BANF2: variants seen among roughly 807,000 people sequenced by gnomAD.
BANF2 encodes the protein BANF family member 2.
In BANF2, 4 loss-of-function variants were observed where a neutral mutation model predicts 8.0. The ratio of observed to expected loss-of-function variants is 0.50; its 90% CI spans 0.25 to 1.14. BANF2 has a LOEUF of 1.14. Among genes scored for constraint, BANF2 ranks in the 50% most tolerant of loss-of-function variants. BANF2 has a pLI of 0.16. For synonymous variants in BANF2, 50 were observed against 40.6 expected (o/e 1.23, Z -0.88); for missense variants, 96 against 107.5 (o/e 0.89, Z 0.47).
chr20:17,706,822 A>C (rs1007927647), intron 1 of BANF2, among the ~76,000 whole-genome samples: 2 of 152,206 alleles, frequency 1.3e-5, no homozygotes, highest in Non-Finnish European at 2.9e-5. Context: ...TTCTCTGCAA[A>C]GAAGGAGGGA....
chr20:17,693,757 G>T, intron 1 of BANF2: 1 of 1,545,512 alleles, frequency 6.5e-7, no homozygotes, highest in Non-Finnish European at 8.8e-7. Flanking sequence ...AGAGACGGCG[G>T]GGAAAGGAGG....
intron 2 of BANF2, 82 bp from the exon 3 acceptor site, chr20:17,724,941 C>A: frequency 7.2e-7 from 1 of 1,388,530 alleles, no homozygotes; most frequent in Non-Finnish European, 9.9e-7. Flanking sequence ...CCTTGGTGGG[C>A]TGAGGGAGTT....
chr20:17,722,532 C>T (rs6136174), intron 1 of BANF2, among the ~76,000 whole-genome samples, 184 bp from the exon 2 acceptor site: 1 of 152,244 alleles, frequency 6.6e-6, no homozygotes, highest in Non-Finnish European at 1.5e-5. Flanking sequence ...AGGCGTTCTC[C>T]TGTTAACACC....
intron 3 of BANF2, among the ~76,000 whole-genome samples, chr20:17,735,052 C>A (rs958724247): frequency 2.0e-5 from 3 of 152,038 alleles, no homozygotes; most frequent in Non-Finnish European, 4.4e-5. Flanking sequence ...GCACTCCGGC[C>A]TGGGCGACAG....
intron 1 of BANF2, among the ~76,000 whole-genome samples, chr20:17,709,055 T>C (rs1457030226): frequency 6.6e-6 from 1 of 152,250 alleles, no homozygotes; most frequent in Admixed American, 6.5e-5. Flanking sequence ...AAATCCTTTC[T>C]TTATAACCTT....
intron 1 of BANF2, among the ~76,000 whole-genome samples, chr20:17,694,601 CTTTTTTTTTTTTTTTTTTTTT>C (rs869067650): frequency 3.7e-5 from 1 of 26,768 alleles, no homozygotes; most frequent in African/African-American, 1.2e-4. Context: ...TTTTCTCTCT[CTTTTTTTTTTTTTTTTTTTTT>C]TTTTTTTTTT....
chr20:17,733,463 G>T (rs1434119161), intron 3 of BANF2, among the ~76,000 whole-genome samples: 1 of 152,144 alleles, frequency 6.6e-6, no homozygotes, highest in Non-Finnish European at 1.5e-5. Flanking sequence ...AGAAAGCTTT[G>T]TGTAAGCCAC....
chr20:17,696,267 A>T (rs188496789), upstream of BANF2, among the ~76,000 whole-genome samples: 1 of 152,328 alleles, frequency 6.6e-6, no homozygotes, highest in Admixed American at 6.5e-5. Flanking sequence ...GGCCTCCCAA[A>T]TTACAGAGAT....
At chr20:17,719,728 T>C (rs936612541) in intron 1 of BANF2, among the ~76,000 whole-genome samples, 10 of 151,544 alleles carry the variant, frequency 6.6e-5, no homozygotes, top group Middle Eastern at 3.5e-3. Context: ...TATTCAGGTC[T>C]GTCTGCTCTG....
intron 1 of BANF2, among the ~76,000 whole-genome samples, chr20:17,715,043 C>T (rs993671750): frequency 5.3e-5 from 8 of 152,262 alleles, no homozygotes; most frequent in East Asian, 1.9e-4. Flanking sequence ...GTGAATTTAA[C>T]GCTGATCTTA....
intron 3 of BANF2, among the ~76,000 whole-genome samples, chr20:17,730,656 A>G (rs931283831): frequency 3.9e-5 from 6 of 152,206 alleles, no homozygotes; most frequent in African/African-American, 1.2e-4. Context: ...ACTGGTGGAC[A>G]GGAGCGAGAC....
intron 1 of BANF2, among the ~76,000 whole-genome samples, chr20:17,701,482 T>A (rs544716401): frequency 1.3e-5 from 2 of 152,198 alleles, no homozygotes; most frequent in East Asian, 3.9e-4. Flanking sequence ...ACATTAGAGC[T>A]CTCTGAAAAG....
At chr20:17,711,286 C>A (rs1456851749) in intron 1 of BANF2, among the ~76,000 whole-genome samples, 1 of 152,212 alleles carries the variant, frequency 6.6e-6, no homozygotes, top group African/African-American at 2.4e-5. Flanking sequence ...GCCTGTAAAG[C>A]CCTCATGAGA....
intron 3 of BANF2, among the ~76,000 whole-genome samples, chr20:17,728,429 G>A (rs1368101233): frequency 1.3e-5 from 2 of 152,112 alleles, no homozygotes; most frequent in East Asian, 3.9e-4. Flanking sequence ...CAGCGCCCCC[G>A]CTCCACCCCG....
intron 3 of BANF2, among the ~76,000 whole-genome samples, chr20:17,732,874 C>T (rs1440370128): frequency 2.6e-5 from 4 of 152,086 alleles, no homozygotes; most frequent in East Asian, 3.9e-4. Context: ...TTTCTGGAGC[C>T]GGGGGAGAAA....
intron 3 of BANF2, among the ~76,000 whole-genome samples, chr20:17,727,686 G>T (rs1409562758): frequency 6.6e-6 from 1 of 151,950 alleles, no homozygotes; most frequent in Admixed American, 6.6e-5. Flanking sequence ...GGCAGGACAG[G>T]GTTCTCAGAT....
intron 1 of BANF2, among the ~76,000 whole-genome samples, chr20:17,721,029 G>A (rs2037720169): frequency 6.6e-6 from 1 of 152,238 alleles, no homozygotes; most frequent in South Asian, 2.1e-4. Flanking sequence ...AGAAGTGCTA[G>A]TTGTAATGAA....
At chr20:17,721,423 G>A (rs1044749988) in intron 1 of BANF2, among the ~76,000 whole-genome samples, 4 of 146,862 alleles carry the variant, frequency 2.7e-5, no homozygotes, top group Non-Finnish European at 3.0e-5. Context: ...ACGGAGTCTC[G>A]CTCTGTTGCC....
At chr20:17,699,511 AG>A (rs1284758264), upstream of BANF2, among the ~76,000 whole-genome samples, 1 of 152,150 alleles carries the variant, frequency 6.6e-6, no homozygotes. Context: ...GGTGGGCAGT[AG>A]GGGGAAAGTC....
Sources: gnomAD v4.1 joint callset for allele counts (sites outside exome capture counted in the v4.1 genomes callset) on GRCh38, gnomAD v4.1.1 for gene constraint, MANE v1.5 for transcripts, NCBI Gene and HGNC (gene_info 2026-07-23, HGNC 2026-07-21) for gene names.